Variants in ACSL1 observed in about 807,000 individuals in gnomAD.
The protein encoded by ACSL1 is acyl-CoA synthetase long chain family member 1.
A neutral mutation model predicts 98.4 loss-of-function variants in ACSL1; 41 were observed. That is an observed-to-expected ratio of 0.42 (90% CI 0.32 to 0.54). The LOEUF is 0.54. ACSL1 is among the 20% of genes least tolerant of loss of function. The probability of loss-of-function intolerance (pLI) is 0.13; values close to 1 mark genes in which losing one functional copy is unlikely to be tolerated. For synonymous variants in ACSL1, 316 were observed against 322.7 expected (o/e 0.98, Z 0.22); for missense variants, 734 against 883.1 (o/e 0.83, Z 2.14).
At chr4:184,763,969 A>G (rs752801613) in intron 15 of ACSL1, among the ~76,000 whole-genome samples, 2 of 152,236 alleles carry the variant, frequency 1.3e-5, no homozygotes, top group Non-Finnish European at 2.9e-5. Context: ...TTAAACAAAT[A>G]CCATAAAGAA....
intron 17 of ACSL1, among the ~76,000 whole-genome samples, chr4:184,761,937 G>A (rs1307391642): frequency 6.6e-6 from 1 of 152,044 alleles, no homozygotes; most frequent in Non-Finnish European, 1.5e-5. Flanking sequence ...GACCAGCCTG[G>A]CCAACATGGT....
chr4:184,778,688 C>T (rs1277522100), intron 5 of ACSL1, among the ~76,000 whole-genome samples: 1 of 152,174 alleles, frequency 6.6e-6, no homozygotes, highest in African/African-American at 2.4e-5. Context: ...TTTGGCACCC[C>T]AACACAGTGT....
chr4:184,790,724 T>C (rs1007508093), intron 2 of ACSL1, among the ~76,000 whole-genome samples: 2 of 152,250 alleles, frequency 1.3e-5, no homozygotes, highest in Admixed American at 6.5e-5. Flanking sequence ...ACTTCCAGGG[T>C]TATTTTTTGT....
intron 18 of ACSL1, among the ~76,000 whole-genome samples, chr4:184,759,155 A>G (rs1444021276): frequency 1.3e-5 from 2 of 152,052 alleles, no homozygotes; most frequent in Admixed American, 6.5e-5. Context: ...TCATTGTTGT[A>G]TATTTGGGTT....
intron 1 of ACSL1, chr4:184,812,301 A>G: frequency 2.3e-6 from 2 of 887,734 alleles, no homozygotes; most frequent in Non-Finnish European, 2.7e-6. Flanking sequence ...CTGAGTCATG[A>G]ATGACCCTCT....
rs1317917026 is a variant in ACSL1, at chr4:184,825,315, C to T, written c.-33+601G>A. 9.8e-6 allele frequency: 9 copies of T among 919,110 alleles called. No individual in the cohort carries two copies. The highest frequency in any genetic ancestry group is 1.2e-5 in the Non-Finnish European group (9 of 769,534). 56.9% of individuals were successfully genotyped at this position (919,110 alleles called of 1,614,324 possible). A position where few individuals can be genotyped will look rare whatever the true frequency, so the allele number is the denominator to read the frequency against. On this transcript the variant is annotated intron_variant, in intron 1 of 20. Transcript: ENST00000281455. The surrounding 1 kb of genome is among the most constrained non-coding windows in gnomAD (Gnocchi z 4.7). ...AGCACTCCTTAGATCAATGACTCCA[C>T]GGCCAAGTGCAAGGGCCACGGGCAC...
In ACSL1 at chr4:184,779,842, C is replaced by T. The variant is rs540848056; in HGVS notation, c.477+490G>A. ...AGTGATTTCTTTTTTCTCTTAAAGG[C>T]GATTAAAAGGCCCTGGTTCAGGTTT... On this transcript the variant is annotated intron_variant, in intron 5 of 20. Transcript: ENST00000281455. Among the ~76,000 whole-genome samples the T allele has an allele frequency of 9.3e-5, 14 of 151,022 alleles. No homozygotes were observed. The East Asian group carries it at 2.1e-3, about 23-fold the overall frequency.
At chr4:184,774,390 C>T (rs931522815) in intron 7 of ACSL1, among the ~76,000 whole-genome samples, 1 of 152,102 alleles carries the variant, frequency 6.6e-6, no homozygotes, top group African/African-American at 2.4e-5. Context: ...TTTGGAGAGG[C>T]TCAAATATCT....
chr4:184,765,902 G>T lies in ACSL1; in HGVS notation c.1348C>A (p.Leu450Met), dbSNP rs1466631338. ...GACATCCACCTCACCTGACAGCCCA[G>T]GGCTGCTCTGAGGAACGTCAGCACA... is the stretch of plus-strand genomic sequence containing the variant. The part of the protein sequence containing the change: ...ATVLTFLRAA[L>M]GCQFYEGYGQ... The change falls in exon 14 of 21, where the codon CTG (leucine) becomes ATG (methionine). Residue 450 changes from leucine (L) to methionine (M), a missense_variant. Coordinates refer to ENST00000281455, the MANE Select transcript of ACSL1 (RefSeq NM_001995.5). 3 of 1,613,972 alleles carry T rather than the reference G, an allele frequency of 1.9e-6. No individual in the cohort carries two copies. In the Admixed American group the frequency reaches 5.0e-5, roughly 27 times the overall value.
chr4:184,776,368 G>A, intron 7 of ACSL1, 116 bp downstream of exon 7: 1 of 1,179,320 alleles, frequency 8.5e-7, no homozygotes, highest in Non-Finnish European at 1.2e-6. Context: ...GGGTTGCGGA[G>A]GCAACCGGCC....
chr4:184,780,639 G>A (rs181993641), intron 4 of ACSL1, among the ~76,000 whole-genome samples: 136 of 152,314 alleles, frequency 8.9e-4, no homozygotes, highest in Non-Finnish European at 1.5e-3. Flanking sequence ...AGAACTGACC[G>A]CAGGGTTCCT....
chr4:184,781,427 G>A (rs1308385274), intron 4 of ACSL1, among the ~76,000 whole-genome samples: 2 of 151,868 alleles, frequency 1.3e-5, no homozygotes, highest in African/African-American at 4.8e-5. Flanking sequence ...ATATTACAAT[G>A]ATAAGCAACA....
chr4:184,774,727 C>T (rs545640977), intron 7 of ACSL1, among the ~76,000 whole-genome samples: 12 of 152,258 alleles, frequency 7.9e-5, no homozygotes, highest in African/African-American at 2.9e-4. Context: ...CGCCATTGAA[C>T]ATGTTCAATT....
intron 2 of ACSL1, among the ~76,000 whole-genome samples, chr4:184,797,120 T>A (rs1051392594): frequency 2.0e-5 from 3 of 152,058 alleles, no homozygotes; most frequent in Admixed American, 6.6e-5. Context: ...AATGTCTGCC[T>A]CACAGACACG....
At chr4:184,811,289 T>G (rs761140495) in intron 1 of ACSL1, among the ~76,000 whole-genome samples, 15 of 149,784 alleles carry the variant, frequency 1.0e-4, no homozygotes, top group Non-Finnish European at 2.1e-4. Context: ...TTTTTTTGTA[T>G]TTTTAGTAGA....
At position 184,825,611 on chromosome 4, in the gene ACSL1, C is replaced by G. The variant is rs1380837978; in HGVS notation, c.-33+305G>C. ...GGGCCGGTCCCCGCCGCCGCACACA[C>G]AAGGGTCGGTCCCGCGCGCATCCCC... On this transcript the variant is annotated intron_variant, in intron 1 of 20. Coordinates refer to ENST00000281455, the MANE Select transcript of ACSL1 (RefSeq NM_001995.5). The surrounding 1 kb of genome is among the most constrained non-coding windows in gnomAD (Gnocchi z 4.7). Among the ~76,000 whole-genome samples the G allele has an allele frequency of 1.3e-5, 2 of 151,018 alleles. No homozygotes were observed. The highest frequency in any genetic ancestry group is 6.6e-5 in the Admixed American group (1 of 15,156).
At chr4:184,793,087 C>A (rs1210552948) in intron 2 of ACSL1, among the ~76,000 whole-genome samples, 1 of 151,818 alleles carries the variant, frequency 6.6e-6, no homozygotes, top group Non-Finnish European at 1.5e-5. Context: ...ACAACCCCAG[C>A]TGAATGTGTA....
Position 184,763,237 on chromosome 4 carries a change from A to C in ACSL1, c.1451T>G (p.Met484Arg). ...AACAAGTTTTATCAAATTGCACGGC[A>C]TCGGGGCCCCAACATGGCCTGTATA... Reference protein sequence around the residue: ...DWTAGHVGAPMPCNLIKLVDV... With the variant: ...DWTAGHVGAPRPCNLIKLVDV... Residue 484 changes from methionine to arginine, a missense_variant, in exon 16 of 21, where the codon ATG becomes AGG. Physicochemically the swap from Met to Arg is moderately conservative, Grantham distance 91. Coordinates refer to ENST00000281455, the MANE Select transcript of ACSL1 (RefSeq NM_001995.5). The C allele has an allele frequency of 6.2e-7, 1 of 1,614,132 alleles. No homozygotes were observed. Among genetic ancestry groups the C allele is most frequent in the Non-Finnish European group, 8.5e-7 (1 of 1,180,012 alleles).
At chr4:184,787,096 G>C (rs560020742) in intron 3 of ACSL1, among the ~76,000 whole-genome samples, 4 of 152,340 alleles carry the variant, frequency 2.6e-5, no homozygotes, top group African/African-American at 7.2e-5. Context: ...GTAGCTAGCA[G>C]TGGCCCAAAT....
Sources: allele counts gnomAD v4.1 joint callset (sites outside exome capture counted in the v4.1 genomes callset), GRCh38; gene constraint gnomAD v4.1.1; non-coding constraint Gnocchi (gnomAD v3.1); transcripts MANE v1.5; gene names NCBI Gene and HGNC (gene_info 2026-07-23, HGNC 2026-07-21).